Variants in NOL10 observed in about 807,000 individuals in gnomAD.
NOL10 encodes nucleolar protein 10.
NOL10 carries 58 observed loss-of-function variants against 103.5 expected under a neutral mutation model. The ratio of observed to expected loss-of-function variants is 0.56; its 90% CI spans 0.45 to 0.70. The LOEUF is 0.70. Ranked by LOEUF, NOL10 falls within the 30% of genes least tolerant of loss-of-function variation. The probability of loss-of-function intolerance (pLI) is 0.00; values close to 1 mark genes in which losing one functional copy is unlikely to be tolerated. For missense variants in NOL10, 763 were observed against 807.3 expected (o/e 0.95, Z 0.67); for synonymous variants, 287 against 282.5 (o/e 1.02, Z -0.16).
chr2:10,655,151 C>T (rs1240936713), intron 11 of NOL10, among the ~76,000 whole-genome samples: 3 of 149,870 alleles, frequency 2.0e-5, no homozygotes, highest in Non-Finnish European at 4.4e-5. Flanking sequence ...AGGTTATAGT[C>T]AGCCAAGATA....
At chr2:10,597,072 T>C (rs1572260000) in intron 17 of NOL10, among the ~76,000 whole-genome samples, 1 of 152,228 alleles carries the variant, frequency 6.6e-6, no homozygotes. Flanking sequence ...TGGGCTCAAG[T>C]AATCTTCCTG....
Position 10,570,843 on chromosome 2 carries a change from A to G in NOL10, c.*1228T>C, listed in dbSNP as rs1558258830. 2 of 151,352 alleles carry G rather than the reference A, an allele frequency of 1.3e-5. No individual in the cohort carries two copies. Among genetic ancestry groups the G allele is most frequent in the Non-Finnish European group, 2.9e-5 (2 of 67,988 alleles). The allele number at this position is 151,352 out of a possible 1,614,324, so 9.4% of individuals were successfully genotyped here. A position where few individuals can be genotyped will look rare whatever the true frequency, so the allele number is the denominator to read the frequency against. On this transcript the variant is annotated 3_prime_UTR_variant, in exon 21 of 21. Coordinates refer to ENST00000381685, the MANE Select transcript of NOL10 (RefSeq NM_024894.4). Reference sequence around the variant, plus strand: ...TTTGACTGTACTTAAGAAACAGGAAAAAAAAAAAACCTGTAATTAAACTTG... The same window carrying G: ...TTTGACTGTACTTAAGAAACAGGAAGAAAAAAAAACCTGTAATTAAACTTG...
rs1426341857 is a variant in NOL10 at position 10,669,513 on chromosome 2, T to TATAC, written c.465-791_465-790insGTAT. Among the ~76,000 whole-genome samples the TATAC allele has an allele frequency of 4.6e-3, 605 of 132,926 alleles. 6 individuals carry two copies. Among genetic ancestry groups the TATAC allele is most frequent in the African/African-American group, 0.015 (558 of 37,406 alleles). The allele number at this position is 132,926 out of a possible 152,430, so 87.2% of individuals were successfully genotyped here. A position where few individuals can be genotyped will look rare whatever the true frequency, so the allele number is the denominator to read the frequency against. On this transcript the variant is annotated intron_variant, in intron 6 of 20. Transcript: ENST00000381685. ...ACACACACATACACACACACATATA[T>TATAC]ACACACACACACACACACACACACA...
intron 13 of NOL10, among the ~76,000 whole-genome samples, chr2:10,636,494 G>T (rs142854133): frequency 7.1e-6 from 1 of 141,050 alleles, no homozygotes; most frequent in African/African-American, 2.6e-5. Flanking sequence ...TGTAGTCCCA[G>T]ATACTCGAGA....
chr2:10,601,014 T>TG (rs1675946435), intron 16 of NOL10, 72 bp from the exon 17 acceptor site: 1 of 900,464 alleles, frequency 1.1e-6, no homozygotes, highest in Non-Finnish European at 1.7e-6. Flanking sequence ...AGCTTAAAGG[T>TG]AAACAGTTGT....
chr2:10,586,203 T>C (rs776361706), intron 19 of NOL10, among the ~76,000 whole-genome samples: 2 of 152,248 alleles, frequency 1.3e-5, no homozygotes, highest in Non-Finnish European at 2.9e-5. Flanking sequence ...AAGGTGATAG[T>C]TCCAGAACTC....
Position 10,587,275 on chromosome 2 carries a change from A to ATATATTTTTT in NOL10, c.1844+1767_1844+1768insAAAAAATATA, listed in dbSNP as rs1280231319. Among the ~76,000 whole-genome samples, 16 of 22,556 alleles carry ATATATTTTTT rather than the reference A, an allele frequency of 7.1e-4. 4 individuals carry two copies. In the East Asian group the frequency reaches 7.5e-3, roughly 11 times the overall value. 14.8% of individuals were successfully genotyped at this position (22,556 alleles called of 152,430 possible). A position where few individuals can be genotyped will look rare whatever the true frequency, so the allele number is the denominator to read the frequency against. ...TATATATACACATATATATATATAT[A>ATATATTTTTT]TTTTTTTTTTTTTTGAGATGGAGTC... On this transcript the variant is annotated intron_variant, in intron 19 of 20. Coordinates refer to ENST00000381685, the MANE Select transcript of NOL10 (RefSeq NM_024894.4).
chr2:10,584,348 T>C (rs1350869393), intron 19 of NOL10, among the ~76,000 whole-genome samples: 1 of 152,118 alleles, frequency 6.6e-6, no homozygotes, highest in Non-Finnish European at 1.5e-5. Context: ...GGCTGATAAG[T>C]GGATGAACAG....
intron 16 of NOL10, among the ~76,000 whole-genome samples, chr2:10,602,125 A>C (rs1676005612): frequency 6.6e-6 from 1 of 152,216 alleles, no homozygotes; most frequent in African/African-American, 2.4e-5. Context: ...CAACGCTCCC[A>C]GGAACATCCT....
At chr2:10,589,394 G>T in intron 18 of NOL10, 104 bp from the exon 19 acceptor site, 1 of 1,451,572 alleles carries the variant, frequency 6.9e-7, no homozygotes, top group Non-Finnish European at 9.3e-7. Context: ...CCTAACAGCT[G>T]CTCTACTGCA....
intron 3 of NOL10, 82 bp downstream of exon 3, chr2:10,681,889 G>A (rs1275874852): frequency 3.7e-5 from 19 of 513,786 alleles, no homozygotes; most frequent in Non-Finnish European, 5.4e-5. Context: ...TAAAATATTA[G>A]GGTTAAAAAA....
intron 12 of NOL10, among the ~76,000 whole-genome samples, chr2:10,647,590 C>T (rs1437739770): frequency 6.6e-6 from 1 of 152,190 alleles, no homozygotes; most frequent in African/African-American, 2.4e-5. Flanking sequence ...TGCGCAAAAA[C>T]ATATGGCATC....
chr2:10,657,915 A>T, intron 10 of NOL10, 24 bp from the exon 11 acceptor site: 1 of 1,478,290 alleles, frequency 6.8e-7, no homozygotes, highest in South Asian at 1.3e-5. Flanking sequence ...ATTTCTGTTT[A>T]AACAAACTAG....
chr2:10,575,162 C>T lies in NOL10; in HGVS notation c.1947+2474G>A, dbSNP rs532318968. 1.2e-4 allele frequency among the ~76,000 whole-genome samples: 19 copies of T among 152,326 alleles called. No homozygotes were observed. The South Asian group carries it at 3.7e-3, about 30-fold the overall frequency. On this transcript the variant is annotated intron_variant, in intron 20 of 20. Transcript: ENST00000381685. ...CAGGCACATTTGTATCAGCAACAGT[C>T]TCAGGCTTGATGAGGAACTGTACTA...
intron 19 of NOL10, among the ~76,000 whole-genome samples, chr2:10,584,132 G>A (rs191871412): frequency 5.3e-4 from 80 of 152,248 alleles, no homozygotes; most frequent in African/African-American, 1.9e-3. Flanking sequence ...CACCAGCCCT[G>A]AATGCTCCAC....
At chr2:10,635,580 C>A (rs1473306750) in intron 13 of NOL10, among the ~76,000 whole-genome samples, 1 of 152,066 alleles carries the variant, frequency 6.6e-6, no homozygotes, top group East Asian at 1.9e-4. Flanking sequence ...AGTGCCTGAC[C>A]CTTGACTTAG....
intron 13 of NOL10, among the ~76,000 whole-genome samples, chr2:10,630,887 C>T (rs756011196): frequency 2.5e-4 from 38 of 152,170 alleles, no homozygotes; most frequent in Non-Finnish European, 4.9e-4. Flanking sequence ...ATTTGAGCAA[C>T]GACTTTCCCG....
chr2:10,681,726 C>T (rs1681774077), intron 3 of NOL10, among the ~76,000 whole-genome samples: 1 of 152,052 alleles, frequency 6.6e-6, no homozygotes, highest in Admixed American at 6.6e-5. Flanking sequence ...ATCAAAGAAA[C>T]AAGATGGACT....
At chr2:10,684,388 CTGGGCAACACAG>C (rs1488512781) in intron 2 of NOL10, among the ~76,000 whole-genome samples, 167 bp downstream of exon 2, 3 of 151,956 alleles carry the variant, frequency 2.0e-5, no homozygotes, top group South Asian at 4.2e-4. Flanking sequence ...AGAGACCAGT[CTGGGCAACACAG>C]TGAGACCCCA....
Sources: allele counts gnomAD v4.1 joint callset (sites outside exome capture counted in the v4.1 genomes callset), GRCh38; gene constraint gnomAD v4.1.1; transcripts MANE v1.5; gene names NCBI Gene and HGNC (gene_info 2026-07-23, HGNC 2026-07-21).